RPTOR: variants seen among roughly 807,000 people sequenced by gnomAD.
RPTOR encodes regulatory associated protein of MTOR complex 1, also known as regulatory-associated protein of mTOR.
Under a neutral mutation model 169.9 loss-of-function variants are expected in RPTOR, and 21 were observed. That is an observed-to-expected ratio of 0.12 (90% CI 0.09 to 0.18). The LOEUF is 0.18. Ranked by LOEUF, RPTOR falls within the 10% of genes least tolerant of loss-of-function variation. The probability of loss-of-function intolerance (pLI) is 1.00; values close to 1 mark genes in which losing one functional copy is unlikely to be tolerated. For synonymous variants in RPTOR, 732 were observed against 753.2 expected (o/e 0.97, Z 0.46); for missense variants, 1,133 against 1,855.9 (o/e 0.61, Z 7.16).
intron 1 of RPTOR, among the ~76,000 whole-genome samples, chr17:80,548,053 C>T (rs1254770895): frequency 6.6e-6 from 1 of 151,098 alleles, no homozygotes; most frequent in African/African-American, 2.4e-5. Flanking sequence ...CTGAACAACC[C>T]CATTTGTGGA....
chr17:80,575,480 C>T (rs2064954118), intron 1 of RPTOR, among the ~76,000 whole-genome samples: 1 of 152,214 alleles, frequency 6.6e-6, no homozygotes, highest in South Asian at 2.1e-4. Flanking sequence ...GTGCACCGCA[C>T]GTCTGTAGGG....
rs35843489 is a variant in RPTOR, at chr17:80,609,773, T to TTGTGTGTG, written c.163-15890_163-15883dup. 2.9e-4 allele frequency among the ~76,000 whole-genome samples: 42 copies of TTGTGTGTG among 143,328 alleles called. No individual in the cohort carries two copies. The highest frequency in any genetic ancestry group is 9.8e-4 in the African/African-American group (38 of 38,798). 94.0% of individuals were successfully genotyped at this position (143,328 alleles called of 152,430 possible). A position where few individuals can be genotyped will look rare whatever the true frequency, so the allele number is the denominator to read the frequency against. On this transcript the variant is annotated intron_variant, in intron 1 of 33. Coordinates refer to ENST00000306801, the MANE Select transcript of RPTOR (RefSeq NM_020761.3). The surrounding 1 kb of genome is among the most constrained non-coding windows in gnomAD (Gnocchi z 4.8). ...AAAAAAAAAAAGTTTAAGGTGTTGG[T>TTGTGTGTG]TGTGTGTGTGTGTGTGTGTGTGTGT... is the stretch of plus-strand genomic sequence containing the variant.
chr17:80,662,520 C>T lies in RPTOR; in HGVS notation c.348+18710C>T, dbSNP rs1255907946. Among the ~76,000 whole-genome samples, 6 of 150,846 alleles carry T rather than the reference C, an allele frequency of 4.0e-5. No homozygotes were observed. In the East Asian group the frequency reaches 1.2e-3, roughly 29 times the overall value. On this transcript the variant is annotated intron_variant, in intron 3 of 33. Coordinates refer to ENST00000306801, the MANE Select transcript of RPTOR (RefSeq NM_020761.3). ...GTCATGGGGTGGGGAAAATGGTCTT[C>T]TGCACTGAGTCTGCCTCTGGGTGGG...
intron 13 of RPTOR, among the ~76,000 whole-genome samples, chr17:80,858,858 A>G (rs2067885934): frequency 6.6e-6 from 1 of 152,222 alleles, no homozygotes; most frequent in Admixed American, 6.5e-5. Context: ...CCCGGTAGAC[A>G]CAGTTGAACT....
chr17:80,650,404 C>T (rs747099731), intron 3 of RPTOR, among the ~76,000 whole-genome samples: 7 of 152,220 alleles, frequency 4.6e-5, no homozygotes, highest in Non-Finnish European at 8.8e-5. Flanking sequence ...TCCGCAGAGT[C>T]GTGCTGGGCT....
intron 1 of RPTOR, among the ~76,000 whole-genome samples, chr17:80,566,153 A>G (rs1314289769): frequency 6.6e-6 from 1 of 152,178 alleles, no homozygotes; most frequent in Non-Finnish European, 1.5e-5. Flanking sequence ...TCATCAATCA[A>G]GTGGGTCTAA....
chr17:80,943,279 C>T (rs572989646), intron 25 of RPTOR, among the ~76,000 whole-genome samples: 65 of 152,218 alleles, frequency 4.3e-4, no homozygotes, highest in African/African-American at 1.6e-3. Context: ...CCAAGTCGCG[C>T]GGCTTTGACC....
In RPTOR at chr17:80,708,346, T is replaced by C. The variant is rs1312568682; in HGVS notation, c.507+347T>C. On this transcript the variant is annotated intron_variant, in intron 4 of 33. Transcript: ENST00000306801. This position sits in a 1 kb window ranked among gnomAD's most constrained non-coding sequence, Gnocchi z 4.2. ...AATTTCTCAATTTCGTTAGAATCTTTCTTTAAGCATCGGTGATTTTCTTAG... is the reference window on the plus strand; with the variant it reads ...AATTTCTCAATTTCGTTAGAATCTTCCTTTAAGCATCGGTGATTTTCTTAG... Among the ~76,000 whole-genome samples the C allele has an allele frequency of 6.6e-6, 1 of 152,240 alleles. No individual in the cohort carries two copies. The highest frequency in any genetic ancestry group is 1.5e-5 in the Non-Finnish European group (1 of 68,036).
intron 3 of RPTOR, among the ~76,000 whole-genome samples, chr17:80,682,731 A>G (rs1420990941): frequency 6.6e-6 from 1 of 152,240 alleles, no homozygotes; most frequent in East Asian, 1.9e-4. Context: ...ACATAACCAC[A>G]GTACATTTAT....
At chr17:80,697,119 A>G (rs190493283) in intron 3 of RPTOR, among the ~76,000 whole-genome samples, 1 of 152,212 alleles carries the variant, frequency 6.6e-6, no homozygotes, top group East Asian at 1.9e-4. Context: ...GAGAGTGAGC[A>G]AGGTGAGGGG....
intron 7 of RPTOR, among the ~76,000 whole-genome samples, chr17:80,819,704 T>C (rs775542064): frequency 1.3e-5 from 2 of 152,318 alleles, no homozygotes; most frequent in Middle Eastern, 3.4e-3. Context: ...TGTTTTTGTT[T>C]AGGGCAGGGA....
chr17:80,812,340 G>GTT (rs957992795), intron 7 of RPTOR, among the ~76,000 whole-genome samples: 3 of 146,478 alleles, frequency 2.0e-5, no homozygotes, highest in Non-Finnish European at 4.5e-5. Context: ...GTAATTACCT[G>GTT]TTTTTTTTTT....
At chr17:80,938,016 AG>A (rs1439283923) in intron 24 of RPTOR, among the ~76,000 whole-genome samples, 1 of 152,242 alleles carries the variant, frequency 6.6e-6, no homozygotes, top group Non-Finnish European at 1.5e-5. Context: ...CTGTAAAGGA[AG>A]GCTGTGGGCT....
At chr17:80,793,376 A>C (rs761893931) in intron 7 of RPTOR, among the ~76,000 whole-genome samples, 3 of 152,178 alleles carry the variant, frequency 2.0e-5, no homozygotes, top group Non-Finnish European at 4.4e-5. Flanking sequence ...ATATTTCAGC[A>C]GTTATATTTT....
intron 4 of RPTOR, among the ~76,000 whole-genome samples, chr17:80,727,656 A>G (rs985203514): frequency 2.2e-4 from 34 of 152,358 alleles, no homozygotes; most frequent in Middle Eastern, 3.4e-3. Flanking sequence ...ACTTCACTGG[A>G]AAGGAAACTG....
chr17:80,705,059 C>T (rs1276994836), intron 3 of RPTOR, among the ~76,000 whole-genome samples: 1 of 152,268 alleles, frequency 6.6e-6, no homozygotes, highest in Non-Finnish European at 1.5e-5. Context: ...CACGCATCGA[C>T]ACCCCTCCTG....
chr17:80,551,330 A>G (rs148246298), intron 1 of RPTOR, among the ~76,000 whole-genome samples: 5,428 of 152,240 alleles, frequency 0.036, 309 homozygotes, highest in African/African-American at 0.12. Flanking sequence ...CCAGGGAACC[A>G]GCGTTCAGCA....
intron 12 of RPTOR, among the ~76,000 whole-genome samples, chr17:80,856,132 A>G (rs1353731397): frequency 6.6e-6 from 1 of 152,230 alleles, no homozygotes; most frequent in Non-Finnish European, 1.5e-5. Flanking sequence ...AGGAAACTCG[A>G]GAGACCTATG....
chr17:80,916,193 G>T (rs1363543582), intron 21 of RPTOR, among the ~76,000 whole-genome samples: 1 of 152,232 alleles, frequency 6.6e-6, no homozygotes, highest in Admixed American at 6.5e-5. Context: ...GAAGAGAAAA[G>T]GAGAGAAGAG....
Sources: allele counts gnomAD v4.1 joint callset (sites outside exome capture counted in the v4.1 genomes callset), GRCh38; gene constraint gnomAD v4.1.1; non-coding constraint Gnocchi (gnomAD v3.1); transcripts MANE v1.5; gene names NCBI Gene and HGNC (gene_info 2026-07-23, HGNC 2026-07-21).